DHX9: variants seen among roughly 807,000 people sequenced by gnomAD.
DHX9 encodes ATP-dependent RNA helicase A.
DHX9 carries 27 observed loss-of-function variants against 148.7 expected under a neutral mutation model. That is an observed-to-expected ratio of 0.18 (90% CI 0.13 to 0.25). The LOEUF (loss-of-function observed/expected upper bound fraction) is 0.25. DHX9 is among the 10% of genes least tolerant of loss of function. The pLI, the probability that DHX9 is intolerant of heterozygous loss-of-function variation, is 1.00. For synonymous variants in DHX9, 529 were observed against 516.6 expected (o/e 1.02, Z -0.33); for missense variants, 796 against 1,559.6 (o/e 0.51, Z 8.25).
At chr1:182,855,343 A>T (rs948848508) in intron 6 of DHX9, among the ~76,000 whole-genome samples, 5 of 152,128 alleles carry the variant, frequency 3.3e-5, no homozygotes, top group Admixed American at 2.0e-4. Context: ...GTATCTTATC[A>T]TAGATTTCTG....
At chr1:182,865,421 C>T (rs1648253595) in intron 12 of DHX9, among the ~76,000 whole-genome samples, 1 of 152,162 alleles carries the variant, frequency 6.6e-6, no homozygotes, top group African/African-American at 2.4e-5. Flanking sequence ...GGAGTTGAAC[C>T]TTCAGAACTT....
At chr1:182,861,246 C>T (rs905245817) in intron 12 of DHX9, among the ~76,000 whole-genome samples, 2 of 151,704 alleles carry the variant, frequency 1.3e-5, no homozygotes, top group African/African-American at 4.8e-5. Context: ...GCTGATGATA[C>T]CTTAGGCTTG....
chr1:182,872,688 G>A (rs1648598499), intron 15 of DHX9, among the ~76,000 whole-genome samples, 195 bp downstream of exon 15: 1 of 152,164 alleles, frequency 6.6e-6, no homozygotes, highest in Non-Finnish European at 1.5e-5. Context: ...TGAGAAGTGA[G>A]ACCAGGTTTC....
In DHX9 at chr1:182,866,941, T is replaced by TA; in HGVS notation, c.1475-20_1475-19insA. ...TACTTTGAACTTTTCTATAGTTTAT[T>TA]GATTGTTTTTCTTTTCAAGGTGTGC... is the stretch of plus-strand genomic sequence containing the variant. On this transcript the variant is annotated intron_variant, in intron 13 of 27. Transcript: ENST00000367549. The TA allele has an allele frequency of 1.9e-6, 3 of 1,590,742 alleles. No homozygotes were observed. The highest frequency in any genetic ancestry group is 2.6e-6 in the Non-Finnish European group (3 of 1,167,328).
Position 182,860,394 on chromosome 1 carries a change from T to C in DHX9, c.1332+210T>C, listed in dbSNP as rs186841489. The C allele has an allele frequency of 3.6e-5, 12 of 334,806 alleles. No individual in the cohort carries two copies. The East Asian group carries it at 6.1e-4, about 17-fold the overall frequency. The allele number at this position is 334,806 out of a possible 1,614,324, so 20.7% of individuals were successfully genotyped here. A position where few individuals can be genotyped will look rare whatever the true frequency, so the allele number is the denominator to read the frequency against. On this transcript the variant is annotated intron_variant, in intron 12 of 27. Transcript: ENST00000367549. Reference sequence around the variant, plus strand: ...CTAAACTGGACTATGTGAGGGATTCTTTTTATCTGGGCTAAAGAGTCTCTG... The same window carrying C: ...CTAAACTGGACTATGTGAGGGATTCCTTTTATCTGGGCTAAAGAGTCTCTG...
In DHX9 at chr1:182,841,725, TC is replaced by T. The variant is rs1403326775; in HGVS notation, c.-22-819del. On this transcript the variant is annotated intron_variant, in intron 1 of 27. Coordinates refer to ENST00000367549, the MANE Select transcript of DHX9 (RefSeq NM_001357.5). ...ACTAAATTCATAGCATATTTTATTT[TC>T]TCTGGTTATAAATGTGGTCTCATAT... Among the ~76,000 whole-genome samples, 3 of 152,372 alleles carry T rather than the reference TC, an allele frequency of 2.0e-5. No homozygotes were observed. The East Asian group carries it at 5.8e-4, about 29-fold the overall frequency.
At chr1:182,850,907 A>G (rs1668131558) in intron 3 of DHX9, among the ~76,000 whole-genome samples, 1 of 152,204 alleles carries the variant, frequency 6.6e-6, no homozygotes, top group Non-Finnish European at 1.5e-5. Flanking sequence ...CATCACTGGA[A>G]AATAGAAGTT....
At chr1:182,860,496 C>T (rs1399769155) in intron 12 of DHX9, among the ~76,000 whole-genome samples, 1 of 152,178 alleles carries the variant, frequency 6.6e-6, no homozygotes, top group African/African-American at 2.4e-5. Flanking sequence ...TCTATCTAAC[C>T]ACCTTGATAT....
rs540327855 is a variant in DHX9 at position 182,879,069 on chromosome 1, G to A, written c.2352-181G>A. ...GTGAGGATAAGTCAGAAACCACTATGCAACCAGATTAAATTTTGTCAACAG... is the reference window on the plus strand; with the variant it reads ...GTGAGGATAAGTCAGAAACCACTATACAACCAGATTAAATTTTGTCAACAG... On this transcript the variant is annotated intron_variant, in intron 20 of 27. Transcript: ENST00000367549. Among the ~76,000 whole-genome samples, 13 of 152,352 alleles carry A rather than the reference G, an allele frequency of 8.5e-5. No homozygotes were observed. In the South Asian group the frequency reaches 2.7e-3, roughly 32 times the overall value.
At chr1:182,859,265 A>G (rs1389051022) in intron 11 of DHX9, 148 bp downstream of exon 11, 8 of 619,584 alleles carry the variant, frequency 1.3e-5, no homozygotes, top group Non-Finnish European at 2.2e-5. Context: ...TTACCCCTGA[A>G]GTTAGTTGCT....
chr1:182,848,263 G>T (rs1253510285), intron 3 of DHX9, among the ~76,000 whole-genome samples: 1 of 152,148 alleles, frequency 6.6e-6, no homozygotes, highest in Non-Finnish European at 1.5e-5. Context: ...AGACCATTTT[G>T]TCCCCTCAAG....
chr1:182,844,561 T>C (rs1667992734), intron 3 of DHX9, among the ~76,000 whole-genome samples: 1 of 152,170 alleles, frequency 6.6e-6, no homozygotes, highest in African/African-American at 2.4e-5. Context: ...TGTTTTGTTT[T>C]TTAAGACGGA....
At chr1:182,869,333 A>G (rs547384826) in intron 14 of DHX9, among the ~76,000 whole-genome samples, 1 of 151,660 alleles carries the variant, frequency 6.6e-6, no homozygotes, top group East Asian at 1.9e-4. Context: ...TATCTGGTTC[A>G]GCCCGGTCTT....
In DHX9 at chr1:182,866,956, T is replaced by C. The variant is rs200053684; in HGVS notation, c.1475-5T>C. 1.3e-4 allele frequency: 213 copies of C among 1,602,404 alleles called. 2 individuals are homozygous for C. The African/African-American group carries it at 2.7e-3, about 20-fold the overall frequency. On this transcript the variant is annotated splice_region_variant and splice_polypyrimidine_tract_variant and intron_variant, in intron 13 of 27. Transcript: ENST00000367549. ...TATAGTTTATTGATTGTTTTTCTTT[T>C]CAAGGTGTGCTCCTGAGAAAATTAG...
chr1:182,847,952 C>T (rs1209712042), intron 3 of DHX9, among the ~76,000 whole-genome samples: 1 of 152,128 alleles, frequency 6.6e-6, no homozygotes, highest in Non-Finnish European at 1.5e-5. Flanking sequence ...CAGAAGTAAT[C>T]CCCTAGGTGA....
chr1:182,841,355 T>G (rs964316228), intron 1 of DHX9, among the ~76,000 whole-genome samples: 1 of 152,150 alleles, frequency 6.6e-6, no homozygotes, highest in Non-Finnish European at 1.5e-5. Flanking sequence ...TAGCATGTAG[T>G]TGGTATTGAA....
chr1:182,874,668 A>G (rs1648684089), intron 15 of DHX9, among the ~76,000 whole-genome samples, 186 bp from the exon 16 acceptor site: 1 of 152,200 alleles, frequency 6.6e-6, no homozygotes, highest in African/African-American at 2.4e-5. Flanking sequence ...TTCAAGGTCT[A>G]AGAGAGGGAA....
intron 3 of DHX9, 33 bp from the exon 4 acceptor site, chr1:182,852,200 C>A (rs2102595130): frequency 6.8e-7 from 1 of 1,475,284 alleles, no homozygotes; most frequent in Non-Finnish European, 9.3e-7. Context: ...AAGGCAAAAG[C>A]ACTGACAGCT....
intron 14 of DHX9, 88 bp downstream of exon 14, chr1:182,867,131 G>A (rs1378690971): frequency 2.2e-5 from 17 of 777,372 alleles, no homozygotes; most frequent in Admixed American, 3.1e-5. Flanking sequence ...CCTTTCCCCC[G>A]TTTTTATCAT....
Sources: gnomAD v4.1 joint callset for allele counts (sites outside exome capture counted in the v4.1 genomes callset) on GRCh38, gnomAD v4.1.1 for gene constraint, MANE v1.5 for transcripts, NCBI Gene and HGNC (gene_info 2026-07-23, HGNC 2026-07-21) for gene names.